Variants in TBC1D1 observed in about 807,000 individuals in gnomAD.
TBC1D1 encodes TBC1 domain family member 1.
In TBC1D1, 89 loss-of-function variants were observed where a neutral mutation model predicts 125.6. The ratio of observed to expected loss-of-function variants is 0.71; its 90% CI spans 0.60 to 0.85. TBC1D1 has a LOEUF of 0.85. TBC1D1 is among the 40% of genes least tolerant of loss of function. The pLI is 0.00. For missense variants in TBC1D1, 1,377 were observed against 1,469.2 expected, an observed-to-expected ratio of 0.94 and a Z score of 1.03; for synonymous variants, 565 against 564.1, an observed-to-expected ratio of 1.00 and a Z score of -0.02.
intron 7 of TBC1D1, among the ~76,000 whole-genome samples, chr4:38,029,386 A>T (rs1745699721): frequency 6.6e-6 from 1 of 152,134 alleles, no homozygotes; most frequent in Non-Finnish European, 1.5e-5. Flanking sequence ...TGTTTTTTTG[A>T]GACAGAGTCT....
chr4:37,932,930 G>A (rs575782362), intron 2 of TBC1D1, among the ~76,000 whole-genome samples: 4 of 152,074 alleles, frequency 2.6e-5, no homozygotes, highest in African/African-American at 9.6e-5. Context: ...GGCGGCGGGT[G>A]CCTGTAATCC....
chr4:38,134,301 C>T (rs187992215), intron 19 of TBC1D1, among the ~76,000 whole-genome samples: 1 of 152,270 alleles, frequency 6.6e-6, no homozygotes, highest in Admixed American at 6.5e-5. Flanking sequence ...GCGGGCATTC[C>T]ATCCCAGCAT....
chr4:37,931,167 ATC>A (rs1411323089), intron 2 of TBC1D1, among the ~76,000 whole-genome samples: 5 of 152,202 alleles, frequency 3.3e-5, no homozygotes, highest in African/African-American at 9.6e-5. Context: ...CAGTGGAGCA[ATC>A]TCTGCTCACT....
At chr4:37,913,341 G>A (rs1437313050) in intron 2 of TBC1D1, among the ~76,000 whole-genome samples, 3 of 152,278 alleles carry the variant, frequency 2.0e-5, no homozygotes, top group East Asian at 3.9e-4. Flanking sequence ...GCTCAGGCCT[G>A]TAATCCCAGC....
rs772692631 is a variant in TBC1D1, at chr4:38,020,713, A to G, written c.1077+18A>G. The G allele has an allele frequency of 6.2e-6, 10 of 1,603,510 alleles. No homozygotes were observed. The Admixed American group carries it at 1.0e-4, about 16-fold the overall frequency. On this transcript the variant is annotated intron_variant, in intron 5 of 19. Coordinates refer to ENST00000261439, the MANE Select transcript of TBC1D1 (RefSeq NM_015173.4). ...AGGCTCTGGTGAGAGAGGACAAGCAATTCTTACCTTGGAACCTTCTTTACA... is the reference window on the plus strand; with the variant it reads ...AGGCTCTGGTGAGAGAGGACAAGCAGTTCTTACCTTGGAACCTTCTTTACA...
intron 12 of TBC1D1, among the ~76,000 whole-genome samples, chr4:38,068,381 C>T (rs1349115351): frequency 6.6e-6 from 1 of 152,082 alleles, no homozygotes; most frequent in Admixed American, 6.6e-5. Context: ...TTCCTTTTGC[C>T]CAGGACACTC....
At chr4:38,079,039 C>A (rs1578585199) in intron 12 of TBC1D1, among the ~76,000 whole-genome samples, 1 of 152,156 alleles carries the variant, frequency 6.6e-6, no homozygotes, top group South Asian at 2.1e-4. Context: ...CCACCTTTCT[C>A]AGCAGGGTGT....
At chr4:37,907,880 C>A (rs889098897) in intron 2 of TBC1D1, among the ~76,000 whole-genome samples, 1 of 152,146 alleles carries the variant, frequency 6.6e-6, no homozygotes, top group Non-Finnish European at 1.5e-5. Flanking sequence ...TCCAATCTGC[C>A]CCTCATACTG....
intron 7 of TBC1D1, 131 bp from the exon 8 acceptor site, chr4:38,035,457 G>C (rs1211321329): frequency 7.6e-6 from 5 of 658,638 alleles, no homozygotes; most frequent in Non-Finnish European, 1.3e-5. Context: ...TAGGATCATT[G>C]GTGCCCCCTG....
chr4:37,954,001 A>T (rs374295957), intron 2 of TBC1D1, among the ~76,000 whole-genome samples: 5 of 152,348 alleles, frequency 3.3e-5, no homozygotes. Context: ...TCATAGGCCC[A>T]TTAAACTCTG....
At chr4:38,117,205 G>T (rs889868541) in intron 16 of TBC1D1, among the ~76,000 whole-genome samples, 52 of 152,154 alleles carry the variant, frequency 3.4e-4, no homozygotes, top group African/African-American at 1.1e-3. Flanking sequence ...CTCTGAAAAC[G>T]GTTTTGTTTT....
intron 1 of TBC1D1, among the ~76,000 whole-genome samples, chr4:37,891,870 G>A (rs1713411758): frequency 6.6e-6 from 1 of 151,868 alleles, no homozygotes; most frequent in Non-Finnish European, 1.5e-5. Flanking sequence ...CTTCCTGATG[G>A]CTCTGTGATT....
chr4:38,132,349 G>A (rs933968479), intron 18 of TBC1D1, among the ~76,000 whole-genome samples: 7 of 152,222 alleles, frequency 4.6e-5, no homozygotes, highest in Non-Finnish European at 1.0e-4. Context: ...AGCAGCAGCA[G>A]CTGTCTTCTG....
intron 7 of TBC1D1, 85 bp downstream of exon 7, chr4:38,027,964 A>AG: frequency 9.8e-7 from 1 of 1,015,502 alleles, no homozygotes; most frequent in Non-Finnish European, 1.4e-6. Context: ...ATAGCAAACC[A>AG]GTGTTGTCCC....
At chr4:37,924,415 G>C (rs1231744337) in intron 2 of TBC1D1, among the ~76,000 whole-genome samples, 2 of 152,050 alleles carry the variant, frequency 1.3e-5, no homozygotes, top group Non-Finnish European at 2.9e-5. Flanking sequence ...ACCATTTTTA[G>C]GTGTGCAGTT....
At chr4:38,046,140 C>T (rs753575543) in intron 10 of TBC1D1, among the ~76,000 whole-genome samples, 223 of 152,156 alleles carry the variant, frequency 1.5e-3, no homozygotes, top group South Asian at 3.1e-3. Context: ...CGGACGCGGG[C>T]GGATCATGAG....
At chr4:38,038,051 C>T (rs1015827475) in intron 8 of TBC1D1, among the ~76,000 whole-genome samples, 3 of 152,184 alleles carry the variant, frequency 2.0e-5, no homozygotes, top group Non-Finnish European at 4.4e-5. Flanking sequence ...ACATAAATGA[C>T]TCCATTCATT....
In TBC1D1 at chr4:38,103,141, G is replaced by T. The variant is rs146364167; in HGVS notation, c.2541G>T (p.Ala847=). The change falls in exon 15 of 20, where the codon GCG becomes GCT. Residue 847 remains alanine, a synonymous_variant. Transcript: ENST00000261439. The stretch of plus-strand genomic sequence containing the variant: ...AGCAGCTGACTTCCCAGCAGCATGC[G>T]ATTCTTATTGACCTTGGTAAGTCTG... 1.2e-6 allele frequency: 2 copies of T among 1,611,228 alleles called. No individual in the cohort carries two copies. The highest frequency in any genetic ancestry group is 8.5e-7 in the Non-Finnish European group (1 of 1,179,180).
chr4:38,022,396 A>G (rs61355869), intron 6 of TBC1D1, among the ~76,000 whole-genome samples: 9,027 of 152,278 alleles, frequency 0.059, 340 homozygotes, highest in African/African-American at 0.093. Context: ...CATATTGCAG[A>G]TAAGTAAATT....
Sources: gnomAD v4.1 joint callset for allele counts (sites outside exome capture counted in the v4.1 genomes callset) on GRCh38, gnomAD v4.1.1 for gene constraint, MANE v1.5 for transcripts, NCBI Gene and HGNC (gene_info 2026-07-23, HGNC 2026-07-21) for gene names.